Variants in NFIB observed in about 807,000 individuals in gnomAD.
NFIB encodes the protein nuclear factor I B.
NFIB carries 11 observed loss-of-function variants against 61.5 expected under a neutral mutation model. That is an observed-to-expected ratio of 0.18 (90% CI 0.11 to 0.30). The LOEUF (loss-of-function observed/expected upper bound fraction) is 0.30. Ranked by LOEUF, NFIB falls within the 10% of genes least tolerant of loss-of-function variation. NFIB has a pLI of 1.00. For missense variants in NFIB, 471 were observed against 608.9 expected, an observed-to-expected ratio of 0.77 and a Z score of 2.38; for synonymous variants, 260 against 216.5, an observed-to-expected ratio of 1.20 and a Z score of -1.76.
the NFIB span, among the ~76,000 whole-genome samples, chr9:14,433,663 A>C: frequency 1.3e-5 from 2 of 152,174 alleles, no homozygotes; most frequent in Non-Finnish European, 2.9e-5. Context: ...AGCAGAACTT[A>C]AGTAGTTGTA....
At chr9:14,457,006 CAATG>C in the NFIB span, among the ~76,000 whole-genome samples, 1 of 152,110 alleles carries the variant, frequency 6.6e-6, no homozygotes, top group African/African-American at 2.4e-5. Context: ...ACAACCATAA[CAATG>C]AATGAGACAA....
chr9:14,220,842 T>TACACCCACCCCCACAC lies in NFIB; in HGVS notation c.563-41063_563-41062insGTGTGGGGGTGGGTGT, dbSNP rs762429739. ...CTATATCCAGTGAAATCAATCTCCC[T>TACACCCACCCCCACAC]ACACACACACACACACACACACACA... On this transcript the variant is annotated intron_variant, in intron 2 of 10. Coordinates refer to ENST00000380953, the MANE Select transcript of NFIB (RefSeq NM_001190737.2). 4.9e-5 allele frequency among the ~76,000 whole-genome samples: 6 copies of TACACCCACCCCCACAC among 123,094 alleles called. No individual in the cohort carries two copies. The East Asian group carries it at 1.7e-3, about 35-fold the overall frequency. The allele number at this position is 123,094 out of a possible 152,430, so 80.8% of individuals were successfully genotyped here. A position where few individuals can be genotyped will look rare whatever the true frequency, so the allele number is the denominator to read the frequency against.
intron 2 of NFIB, among the ~76,000 whole-genome samples, chr9:14,224,204 G>T (rs1331044234): frequency 2.0e-5 from 3 of 152,184 alleles, no homozygotes; most frequent in Non-Finnish European, 4.4e-5. Context: ...CAAGTGATAG[G>T]CTACACAGAA....
chr9:14,370,860 C>T lies in NFIB; in HGVS notation c.108+27664G>A, dbSNP rs576046501. ...CTGTAATTCCAGCAGTTTGGGAGGC[C>T]GAGGCGGGTGGATCACTTGAGGTCG... On this transcript the variant is annotated intron_variant, in intron 1 of 8. Transcript: ENST00000380934. Among the ~76,000 whole-genome samples, 12 of 152,290 alleles carry T rather than the reference C, an allele frequency of 7.9e-5. No individual in the cohort carries two copies. In the East Asian group the frequency reaches 2.1e-3, roughly 27 times the overall value.
At chr9:14,499,289 G>A in the NFIB span, among the ~76,000 whole-genome samples, 5 of 152,234 alleles carry the variant, frequency 3.3e-5, no homozygotes, top group Admixed American at 2.6e-4. Flanking sequence ...AATGAAGACC[G>A]GGATGGTGGA....
chr9:14,164,939 C>G (rs964946103), intron 3 of NFIB, among the ~76,000 whole-genome samples: 1 of 152,068 alleles, frequency 6.6e-6, no homozygotes, highest in African/African-American at 2.4e-5. Flanking sequence ...ACTATGACAC[C>G]ACATTCAGAA....
intron 3 of NFIB, among the ~76,000 whole-genome samples, chr9:14,179,020 C>G (rs1464760268): frequency 1.3e-5 from 2 of 152,050 alleles, no homozygotes; most frequent in Non-Finnish European, 2.9e-5. Flanking sequence ...CAATATAATT[C>G]ACATTCTTTT....
At chr9:14,470,191 C>T in the NFIB span, among the ~76,000 whole-genome samples, 5 of 152,142 alleles carry the variant, frequency 3.3e-5, no homozygotes. Flanking sequence ...GGAGCAATGC[C>T]TGGCACAGGT....
In NFIB at chr9:14,338,401, A is replaced by AAAGAAAAG. The variant is rs770294229; in HGVS notation, c.109-30882_109-30881insCTTTTCTT. The stretch of plus-strand genomic sequence containing the variant: ...AGAGCGAGACTCTGTCTCAAAAAAA[A>AAAGAAAAG]AAAAGAAAAGAAAAGAAAAGAAAAT... On this transcript the variant is annotated intron_variant, in intron 1 of 8. Transcript: ENST00000380934. Among the ~76,000 whole-genome samples, 92 of 149,398 alleles carry AAAGAAAAG rather than the reference A, an allele frequency of 6.2e-4. No homozygotes were observed. In the Middle Eastern group the frequency reaches 0.014, roughly 22 times the overall value.
At chr9:14,198,813 A>G (rs2048720391) in intron 2 of NFIB, among the ~76,000 whole-genome samples, 1 of 152,226 alleles carries the variant, frequency 6.6e-6, no homozygotes. Flanking sequence ...GTATGTGACT[A>G]TAGAGTCCTG....
chr9:14,450,323 T>C, the NFIB span, among the ~76,000 whole-genome samples: 2 of 152,206 alleles, frequency 1.3e-5, no homozygotes, highest in African/African-American at 4.8e-5. Flanking sequence ...CCACTCAACC[T>C]ACTGCTTACA....
chr9:14,453,859 G>A, the NFIB span, among the ~76,000 whole-genome samples: 3 of 151,796 alleles, frequency 2.0e-5, no homozygotes, highest in Non-Finnish European at 4.4e-5. Flanking sequence ...GAGGCTGGTG[G>A]ATCACAGGGT....
At chr9:14,173,628 G>C (rs1303006342) in intron 3 of NFIB, among the ~76,000 whole-genome samples, 1 of 152,114 alleles carries the variant, frequency 6.6e-6, no homozygotes, top group Non-Finnish European at 1.5e-5. Context: ...TTTCTGAATT[G>C]TTTATGGTTC....
upstream of NFIB, among the ~76,000 whole-genome samples, chr9:14,399,384 C>T (rs1019479066): frequency 2.6e-5 from 4 of 152,154 alleles, no homozygotes; most frequent in Non-Finnish European, 5.9e-5. Context: ...CTGACATTAA[C>T]ACAGGAATTC....
chr9:14,295,725 G>A (rs900467631), intron 2 of NFIB, among the ~76,000 whole-genome samples: 1 of 152,172 alleles, frequency 6.6e-6, no homozygotes, highest in Non-Finnish European at 1.5e-5. Flanking sequence ...AAACGTAAGT[G>A]TAGTTCTCCC....
At chr9:14,294,346 G>A (rs1477865530) in intron 2 of NFIB, among the ~76,000 whole-genome samples, 1 of 152,152 alleles carries the variant, frequency 6.6e-6, no homozygotes, top group African/African-American at 2.4e-5. Flanking sequence ...GCTATGAAAG[G>A]CAACTAGAAT....
At chr9:14,365,217 C>A (rs549035839) in intron 1 of NFIB, among the ~76,000 whole-genome samples, 2 of 152,150 alleles carry the variant, frequency 1.3e-5, no homozygotes, top group African/African-American at 4.8e-5. Flanking sequence ...TCGAGACCAC[C>A]GTTTATGTTT....
intron 2 of NFIB, chr9:14,204,631 C>A: frequency 1.4e-6 from 1 of 696,626 alleles, no homozygotes; most frequent in East Asian, 2.7e-5. Flanking sequence ...AGGGGACCTC[C>A]CCACTAAGAA....
intron 2 of NFIB, among the ~76,000 whole-genome samples, chr9:14,253,650 G>A (rs540976183): frequency 1.3e-5 from 2 of 152,186 alleles, no homozygotes; most frequent in East Asian, 3.9e-4. Context: ...GGGCAATACA[G>A]TGAGACCCCA....
Sources: allele counts gnomAD v4.1 joint callset (sites outside exome capture counted in the v4.1 genomes callset), GRCh38; gene constraint gnomAD v4.1.1; transcripts MANE v1.5; gene names NCBI Gene and HGNC (gene_info 2026-07-23, HGNC 2026-07-21).